The following PTPRD variants were observed in gnomAD, a reference collection of about 807,000 sequenced individuals.
PTPRD encodes the protein receptor-type tyrosine-protein phosphatase delta.
A neutral mutation model predicts 214.5 loss-of-function variants in PTPRD; 34 were observed. The observed-to-expected ratio is 0.16, with a 90% CI of 0.12 to 0.21. The LOEUF (loss-of-function observed/expected upper bound fraction) is 0.21, where lower values mean the gene tolerates loss of function less well. Among genes scored for constraint, PTPRD ranks in the 10% least tolerant of loss-of-function variants. The probability of loss-of-function intolerance (pLI) is 1.00; values close to 1 mark genes in which losing one functional copy is unlikely to be tolerated. For synonymous variants in PTPRD, 1,128 were observed against 845.7 expected (o/e 1.33, Z -5.79); for missense variants, 2,545 against 2,398.7 (o/e 1.06, Z -1.27).
At chr9:8,383,830 A>C (rs1339186050) in intron 37 of PTPRD, among the ~76,000 whole-genome samples, 2 of 152,196 alleles carry the variant, frequency 1.3e-5, no homozygotes, top group East Asian at 3.9e-4. Flanking sequence ...TTGAGTCTCT[A>C]CTATGGGCAA....
At chr9:10,122,604 A>T (rs1485529305) in intron 3 of PTPRD, among the ~76,000 whole-genome samples, 1 of 152,186 alleles carries the variant, frequency 6.6e-6, no homozygotes, top group African/African-American at 2.4e-5. Flanking sequence ...ATCAATAAAA[A>T]CTTGATTATC....
At chr9:8,632,312 A>C (rs1232312609) in intron 14 of PTPRD, among the ~76,000 whole-genome samples, 12 of 151,936 alleles carry the variant, frequency 7.9e-5, no homozygotes, top group Non-Finnish European at 1.3e-4. Flanking sequence ...ATTTTATAAA[A>C]GATATAAAGT....
intron 44 of PTPRD, among the ~76,000 whole-genome samples, chr9:8,324,541 A>C (rs574294921): frequency 6.6e-6 from 1 of 152,330 alleles, no homozygotes; most frequent in Non-Finnish European, 1.5e-5. Flanking sequence ...TGCTATTGTG[A>C]ATAGTGCCAC....
chr9:8,818,158 T>C (rs2096960804), intron 11 of PTPRD, among the ~76,000 whole-genome samples: 1 of 152,154 alleles, frequency 6.6e-6, no homozygotes, highest in Non-Finnish European at 1.5e-5. Flanking sequence ...GTTTGATACA[T>C]CAGAAGCCAA....
intron 8 of PTPRD, among the ~76,000 whole-genome samples, chr9:9,573,903 A>C (rs2087450920): frequency 6.6e-6 from 1 of 151,862 alleles, no homozygotes; most frequent in Admixed American, 6.6e-5. Context: ...CATTGCAATA[A>C]TGCTATATGC....
chr9:10,448,312 CA>C (rs2098813574), intron 2 of PTPRD, among the ~76,000 whole-genome samples: 1 of 151,900 alleles, frequency 6.6e-6, no homozygotes, highest in South Asian at 2.1e-4. Flanking sequence ...CAGAGGGCAA[CA>C]AAGAGGTCTA....
intron 5 of PTPRD, among the ~76,000 whole-genome samples, chr9:9,899,233 A>G (rs2075798507): frequency 1.3e-5 from 2 of 152,104 alleles, no homozygotes; most frequent in African/African-American, 4.8e-5. Flanking sequence ...GAAAGAACTC[A>G]TAGATCTAAA....
Position 9,909,162 on chromosome 9 carries a change from T to C in PTPRD, c.-368+29345A>G, listed in dbSNP as rs184188406. Among the ~76,000 whole-genome samples, 21 of 152,046 alleles carry C rather than the reference T, an allele frequency of 1.4e-4. No homozygotes were observed. The East Asian group carries it at 4.1e-3, about 29-fold the overall frequency. ...TTTGATTGCTGATATACATATTTTGTTCATCAAAAATTAAATGAAGCAGCA... is the reference window on the plus strand; with the variant it reads ...TTTGATTGCTGATATACATATTTTGCTCATCAAAAATTAAATGAAGCAGCA... On this transcript the variant is annotated intron_variant, in intron 5 of 45. Transcript: ENST00000381196.
chr9:8,684,140 G>A lies in PTPRD; in HGVS notation c.65-47296C>T, dbSNP rs138938534. ...CTGAATTACTAACCTATAGAAATCT[G>A]TGATAGTAACAGATGTCTTTTTATA... On this transcript the variant is annotated intron_variant, in intron 12 of 45. Coordinates refer to ENST00000381196, the MANE Select transcript of PTPRD (RefSeq NM_002839.4). 1.5e-3 allele frequency among the ~76,000 whole-genome samples: 230 copies of A among 152,224 alleles called. 1 individual carries two copies. Among genetic ancestry groups the A allele is most frequent in the East Asian group, 0.015 (78 of 5,168 alleles).
chr9:10,348,070 G>T (rs921892834), intron 2 of PTPRD, among the ~76,000 whole-genome samples: 10 of 151,974 alleles, frequency 6.6e-5, no homozygotes, highest in Admixed American at 2.6e-4. Flanking sequence ...AAAACAAAAT[G>T]TACAATAGAT....
chr9:10,232,827 G>A (rs577775510), intron 3 of PTPRD, among the ~76,000 whole-genome samples: 87 of 151,966 alleles, frequency 5.7e-4, no homozygotes, highest in African/African-American at 2.0e-3. Context: ...ACAAAACAGG[G>A]CCAACCTTTT....
At chr9:8,770,852 C>T (rs547087074) in intron 11 of PTPRD, among the ~76,000 whole-genome samples, 11 of 152,184 alleles carry the variant, frequency 7.2e-5, no homozygotes, top group South Asian at 6.2e-4. Flanking sequence ...ATTCATTGAA[C>T]GGAGTAAAAC....
intron 10 of PTPRD, among the ~76,000 whole-genome samples, chr9:9,086,856 A>G (rs536320654): frequency 6.6e-6 from 1 of 152,206 alleles, no homozygotes; most frequent in Non-Finnish European, 1.5e-5. Flanking sequence ...AAAGTTGACC[A>G]TAGCAAGCTG....
chr9:8,855,969 A>C (rs944284803), intron 11 of PTPRD, among the ~76,000 whole-genome samples: 2 of 152,182 alleles, frequency 1.3e-5, no homozygotes, highest in Admixed American at 1.3e-4. Flanking sequence ...TCTGCCACAG[A>C]ATTGCTAGCT....
At chr9:9,861,039 T>A (rs1051563758) in intron 5 of PTPRD, among the ~76,000 whole-genome samples, 9 of 152,292 alleles carry the variant, frequency 5.9e-5, no homozygotes, top group Admixed American at 3.3e-4. Flanking sequence ...TAGGCAATTA[T>A]TTTTTAAAAA....
intron 9 of PTPRD, among the ~76,000 whole-genome samples, chr9:9,221,626 G>A (rs993303086): frequency 1.3e-5 from 2 of 151,910 alleles, no homozygotes; most frequent in Non-Finnish European, 2.9e-5. Context: ...TTTTCATAAG[G>A]ACCCCAATCT....
chr9:9,785,629 A>T (rs1199356374), intron 5 of PTPRD, among the ~76,000 whole-genome samples: 1 of 152,124 alleles, frequency 6.6e-6, no homozygotes, highest in East Asian at 1.9e-4. Flanking sequence ...GCAGAAACTA[A>T]GGAAATGGAG....
intron 2 of PTPRD, among the ~76,000 whole-genome samples, chr9:10,383,714 C>G (rs191597855): frequency 6.9e-4 from 105 of 151,780 alleles, no homozygotes; most frequent in African/African-American, 2.3e-3. Flanking sequence ...GATAGAATCT[C>G]TAGCAATAAG....
chr9:9,104,606 C>T (rs2099795948), intron 10 of PTPRD, among the ~76,000 whole-genome samples: 1 of 152,174 alleles, frequency 6.6e-6, no homozygotes, highest in Non-Finnish European at 1.5e-5. Flanking sequence ...GCTGTAAGAA[C>T]CATGTTGGAC....
Sources: allele counts gnomAD v4.1 joint callset (sites outside exome capture counted in the v4.1 genomes callset), GRCh38; gene constraint gnomAD v4.1.1; transcripts MANE v1.5; gene names NCBI Gene and HGNC (gene_info 2026-07-23, HGNC 2026-07-21).